Variants in ZFHX4 observed in about 807,000 individuals in gnomAD.
ZFHX4 encodes zinc finger homeobox protein 4.
A neutral mutation model predicts 267.6 loss-of-function variants in ZFHX4; 56 were observed. The observed-to-expected ratio is 0.21, with a 90% CI of 0.17 to 0.26. ZFHX4 has a LOEUF of 0.26. ZFHX4 is among the 10% of genes least tolerant of loss of function. The probability of loss-of-function intolerance (pLI) is 1.00; values close to 1 mark genes in which losing one functional copy is unlikely to be tolerated. For missense variants in ZFHX4, 4,332 were observed against 4,420.0 expected (o/e 0.98, Z 0.56); for synonymous variants, 1,778 against 1,665.6 (o/e 1.07, Z -1.64).
rs1489532188 is a variant in ZFHX4 at position 76,866,685 on chromosome 8, AGT to A, written c.*2125_*2126del. 6.6e-6 allele frequency: 1 copy of A among 152,582 alleles called. No individual in the cohort carries two copies. Among genetic ancestry groups the A allele is most frequent in the Non-Finnish European group, 1.5e-5 (1 of 68,022 alleles). The allele number at this position is 152,582 out of a possible 1,614,324, so 9.5% of individuals were successfully genotyped here. A position where few individuals can be genotyped will look rare whatever the true frequency, so the allele number is the denominator to read the frequency against. On this transcript the variant is annotated 3_prime_UTR_variant, in exon 11 of 11. Coordinates refer to ENST00000651372, the MANE Select transcript of ZFHX4 (RefSeq NM_024721.5). The stretch of plus-strand genomic sequence containing the variant: ...CCTGGCAGTTAACACGATGTGCAAC[AGT>A]GTGTTAGCATGGAACAGAACGCTTT...
chr8:76,755,947 C>T (rs563350355), intron 3 of ZFHX4, among the ~76,000 whole-genome samples: 1 of 152,162 alleles, frequency 6.6e-6, no homozygotes, highest in Non-Finnish European at 1.5e-5. Flanking sequence ...GCCCTCACAA[C>T]CCAGCCATTC....
intron 4 of ZFHX4, among the ~76,000 whole-genome samples, chr8:76,780,815 A>G (rs942673858): frequency 6.6e-6 from 1 of 152,148 alleles, no homozygotes; most frequent in Non-Finnish European, 1.5e-5. Context: ...TGAGGGAAGC[A>G]TTGGATCAAT....
chr8:76,719,379 C>T (rs896813510), intron 3 of ZFHX4, among the ~76,000 whole-genome samples: 2 of 151,952 alleles, frequency 1.3e-5, no homozygotes, highest in African/African-American at 2.4e-5. Context: ...GTGCAAGACT[C>T]GTCAAGAAGC....
intron 6 of ZFHX4, among the ~76,000 whole-genome samples, chr8:76,847,356 T>C (rs1347893920): frequency 6.6e-6 from 1 of 152,162 alleles, no homozygotes; most frequent in Non-Finnish European, 1.5e-5. Context: ...GTAATGAAAC[T>C]TTCCAGTCTT....
At chr8:76,685,679 T>C (rs562572390) in intron 1 of ZFHX4, among the ~76,000 whole-genome samples, 1 of 152,262 alleles carries the variant, frequency 6.6e-6, no homozygotes, top group Non-Finnish European at 1.5e-5. Flanking sequence ...AGGACTGTGT[T>C]AATTTTCTTA....
At chr8:76,694,313 T>G (rs1391132546) in intron 1 of ZFHX4, among the ~76,000 whole-genome samples, 1 of 152,172 alleles carries the variant, frequency 6.6e-6, no homozygotes, top group African/African-American at 2.4e-5. Context: ...AAGAATACAA[T>G]GATCTCAAAG....
intron 4 of ZFHX4, among the ~76,000 whole-genome samples, chr8:76,809,796 A>G (rs1010176455): frequency 2.0e-5 from 3 of 152,174 alleles, no homozygotes; most frequent in Admixed American, 6.5e-5. Context: ...AAAAATTAAA[A>G]TGTATAAATA....
At chr8:76,744,953 GA>G (rs1809420290) in intron 3 of ZFHX4, among the ~76,000 whole-genome samples, 1 of 151,968 alleles carries the variant, frequency 6.6e-6, no homozygotes, top group African/African-American at 2.4e-5. Context: ...TCTGGTTTTT[GA>G]AAAAAGTACT....
At chr8:76,753,629 CTTTTTT>C (rs962115381) in intron 3 of ZFHX4, among the ~76,000 whole-genome samples, 2 of 117,406 alleles carry the variant, frequency 1.7e-5, no homozygotes, top group African/African-American at 3.2e-5. Flanking sequence ...CGTCTTAGGC[CTTTTTT>C]TTTTTTTTTT....
At chr8:76,862,680 A>G (rs1812901254) in intron 10 of ZFHX4, among the ~76,000 whole-genome samples, 1 of 152,214 alleles carries the variant, frequency 6.6e-6, no homozygotes, top group Admixed American at 6.5e-5. Flanking sequence ...CAAGTGAAGG[A>G]CGGAGAGAGT....
In ZFHX4 at chr8:76,853,875, T is replaced by G. The variant is rs746304588; in HGVS notation, c.6954T>G (p.Asn2318Lys). The G allele has an allele frequency of 1.2e-6, 2 of 1,613,744 alleles. No individual in the cohort carries two copies. Among genetic ancestry groups the G allele is most frequent in the Admixed American group, 1.7e-5 (1 of 59,990 alleles). Residue 2318 changes from asparagine (N) to lysine (K), a missense_variant, in exon 10 of 11, where the codon AAT (asparagine) becomes AAG (lysine). Around this residue, in one of 7 missense-constraint regions of ZFHX4, gnomAD observed 1,648 missense variants for 1,625.0 expected, o/e 1.01. Transcript: ENST00000651372. The stretch of plus-strand genomic sequence containing the variant: ...TGCAGTACCAGTGTAAAAAGTGCAA[T>G]GTGGTTTTCCCCAGGATCTTTGACT... ...SNMQYQCKKC[N>K]VVFPRIFDLI... is the part of the protein sequence containing the mutation.
At chr8:76,805,846 C>A (rs111265771) in intron 4 of ZFHX4, among the ~76,000 whole-genome samples, 1 of 151,432 alleles carries the variant, frequency 6.6e-6, no homozygotes. Flanking sequence ...GGTGTAAGTA[C>A]GCCTTTAGGG....
Position 76,705,393 on chromosome 8 carries a change from G to A in ZFHX4, c.1305G>A (p.Met435Ile), listed in dbSNP as rs529333807. 1.8e-5 allele frequency: 29 copies of A among 1,613,860 alleles called. No individual in the cohort carries two copies. Among genetic ancestry groups the A allele is most frequent in the Non-Finnish European group, 2.5e-5 (29 of 1,179,880 alleles). ...ACTCATCGTCTGAGTCTAGCAAGATGTCAGAGAGCAAAGACCAAGAGAACA... is the reference window on the plus strand; with the variant it reads ...ACTCATCGTCTGAGTCTAGCAAGATATCAGAGAGCAAAGACCAAGAGAACA... Reference protein sequence around the residue: ...LSHSSSESSKMSESKDQENNC... With the variant: ...LSHSSSESSKISESKDQENNC... The change falls in exon 2 of 11, where the codon ATG becomes ATA. Residue 435 changes from methionine (M) to isoleucine (I), a missense_variant. This residue lies in a region of ZFHX4 where 1,195 missense variants were observed against 1,173.6 expected (regional missense o/e 1.02). Coordinates refer to ENST00000651372, the MANE Select transcript of ZFHX4 (RefSeq NM_024721.5).
intron 1 of ZFHX4, among the ~76,000 whole-genome samples, chr8:76,685,832 A>ATAGC (rs1365063527): frequency 6.6e-6 from 1 of 152,224 alleles, no homozygotes; most frequent in Non-Finnish European, 1.5e-5. Flanking sequence ...CATTGTTGTT[A>ATAGC]TAGCTATCAT....
chr8:76,833,318 C>T lies in ZFHX4; in HGVS notation c.3326-20C>T, dbSNP rs1190151203. The T allele has an allele frequency of 6.2e-7, 1 of 1,604,842 alleles. No individual in the cohort carries two copies. The highest frequency in any genetic ancestry group is 1.7e-5 in the Admixed American group (1 of 59,350). On this transcript the variant is annotated intron_variant, in intron 4 of 10. Coordinates refer to ENST00000651372, the MANE Select transcript of ZFHX4 (RefSeq NM_024721.5). ...TGGATATGGCATGCTGATTACCTTT[C>T]ACTCTGATGTCTTCTGCAGAAACTG...
At chr8:76,693,900 C>T (rs1033932161) in intron 1 of ZFHX4, among the ~76,000 whole-genome samples, 19 of 152,188 alleles carry the variant, frequency 1.2e-4, no homozygotes, top group African/African-American at 4.1e-4. Flanking sequence ...AGTGGCTCAC[C>T]TCTGATTTAT....
Position 76,849,546 on chromosome 8 carries a change from G to A in ZFHX4, c.3680G>A (p.Arg1227Lys). Reference protein sequence around the residue: ...YQCPYCNYNSRDQSRIQMHVL... With the variant: ...YQCPYCNYNSKDQSRIQMHVL... ...TGTCCTTATTGTAACTACAATAGTA[G>A]GGACCAAAGTCGTATCCAGATGCAC... Residue 1227 changes from arginine to lysine, a missense_variant, in exon 8 of 11, where the codon AGG (arginine) becomes AAG (lysine). Arg to Lys is a conservative substitution (Grantham distance 26). Coordinates refer to ENST00000651372, the MANE Select transcript of ZFHX4 (RefSeq NM_024721.5). The A allele has an allele frequency of 6.2e-7, 1 of 1,613,882 alleles. No homozygotes were observed. Among genetic ancestry groups the A allele is most frequent in the Non-Finnish European group, 8.5e-7 (1 of 1,179,840 alleles).
At position 76,863,491 on chromosome 8, in the gene ZFHX4, C is replaced by A. The variant is rs778232576; in HGVS notation, c.9777C>A (p.Gly3259=). 6.2e-7 allele frequency: 1 copy of A among 1,613,612 alleles called. No homozygotes were observed. Among genetic ancestry groups the A allele is most frequent in the South Asian group, 1.1e-5 (1 of 91,002 alleles). The change falls in exon 11 of 11, where the codon GGC becomes GGA. Residue 3259 remains glycine, a synonymous_variant. Coordinates refer to ENST00000651372, the MANE Select transcript of ZFHX4 (RefSeq NM_024721.5). ...CTGGTGACCCAGCTTCCTTTATAGG[C>A]GGACAGTTCTTGCCATACTTTATCC... ...AIAGDPASFI[G]GQFLPYFIPG...
intron 3 of ZFHX4, among the ~76,000 whole-genome samples, chr8:76,773,112 G>A (rs1272880010): frequency 1.3e-5 from 2 of 152,148 alleles, no homozygotes; most frequent in South Asian, 4.1e-4. Context: ...GCCATAGTGT[G>A]CACACTAATT....
Sources: gnomAD v4.1 joint callset for allele counts (sites outside exome capture counted in the v4.1 genomes callset) on GRCh38, gnomAD v4.1.1 for gene constraint, gnomAD v4.1.1 regional missense constraint, MANE v1.5 for transcripts, NCBI Gene and HGNC (gene_info 2026-07-23, HGNC 2026-07-21) for gene names.